Variants in PALLD observed in about 807,000 individuals in gnomAD.
PALLD encodes palladin, cytoskeletal associated protein.
In PALLD, 61 loss-of-function variants were observed where a neutral mutation model predicts 123.5. The ratio of observed to expected loss-of-function variants is 0.49; its 90% CI spans 0.40 to 0.61. The LOEUF is 0.61. Ranked by LOEUF, PALLD falls within the 20% of genes least tolerant of loss-of-function variation. The pLI is 0.00. For missense variants in PALLD, 1,273 were observed against 1,377.0 expected (o/e 0.92, Z 1.20); for synonymous variants, 465 against 496.4 (o/e 0.94, Z 0.84).
chr4:168,701,170 T>C (rs1783635872), intron 8 of PALLD, among the ~76,000 whole-genome samples: 1 of 152,208 alleles, frequency 6.6e-6, no homozygotes, highest in East Asian at 1.9e-4. Context: ...GTAATGTTTG[T>C]GGGGAAACAT....
intron 10 of PALLD, among the ~76,000 whole-genome samples, chr4:168,864,817 G>A (rs1750027340): frequency 1.3e-5 from 2 of 152,136 alleles, no homozygotes; most frequent in African/African-American, 4.8e-5. Flanking sequence ...TCAAGATTTT[G>A]CAGCATTTTT....
intron 2 of PALLD, among the ~76,000 whole-genome samples, chr4:168,611,070 A>G (rs1048164899): frequency 6.6e-6 from 1 of 152,214 alleles, no homozygotes; most frequent in Non-Finnish European, 1.5e-5. Context: ...GAAGCTGTCC[A>G]TGATTACATA....
chr4:168,689,105 A>G (rs1208359803), intron 6 of PALLD, among the ~76,000 whole-genome samples: 1 of 152,264 alleles, frequency 6.6e-6, no homozygotes, highest in African/African-American at 2.4e-5. Flanking sequence ...CTTGTCACTT[A>G]AAGACATTCT....
intron 10 of PALLD, among the ~76,000 whole-genome samples, chr4:168,875,274 C>T (rs58603386): frequency 0.022 from 3,357 of 152,104 alleles, 127 homozygotes; most frequent in African/African-American, 0.074. Flanking sequence ...TTTCCAAAAG[C>T]TATAGGCAAC....
At chr4:168,825,075 C>T (rs559959221) in intron 10 of PALLD, among the ~76,000 whole-genome samples, 1 of 152,244 alleles carries the variant, frequency 6.6e-6, no homozygotes, top group African/African-American at 2.4e-5. Context: ...CTTGGCCTCC[C>T]AAAGTGCTGG....
chr4:168,669,391 C>A (rs761780387), intron 3 of PALLD, among the ~76,000 whole-genome samples: 4 of 152,162 alleles, frequency 2.6e-5, no homozygotes, highest in South Asian at 2.1e-4. Flanking sequence ...CATACTGAGA[C>A]CCTGTCTCAA....
intron 2 of PALLD, among the ~76,000 whole-genome samples, chr4:168,667,157 C>T (rs933804903): frequency 2.0e-5 from 3 of 152,048 alleles, no homozygotes; most frequent in African/African-American, 7.2e-5. Context: ...TTAAATTAGA[C>T]AAAAACCTGT....
intron 10 of PALLD, among the ~76,000 whole-genome samples, chr4:168,815,154 C>T (rs1314164592): frequency 1.3e-5 from 2 of 152,226 alleles, no homozygotes; most frequent in Non-Finnish European, 2.9e-5. Context: ...TTAAAATTAA[C>T]TTGGAAGGGC....
chr4:168,534,356 G>A (rs930462327), intron 2 of PALLD, among the ~76,000 whole-genome samples: 9 of 152,188 alleles, frequency 5.9e-5, no homozygotes, highest in African/African-American at 1.9e-4. Flanking sequence ...GTCAGTCAGA[G>A]GACATATCAG....
In PALLD at chr4:168,511,973, C is replaced by A; in HGVS notation, c.469C>A (p.Pro157Thr). The change falls in exon 2 of 22, where the codon CCA (proline) becomes ACA (threonine). Residue 157 changes from proline (P) to threonine (T), a missense_variant. Around this residue, in one of 2 missense-constraint regions of PALLD, gnomAD observed 944 missense variants for 954.5 expected, o/e 0.99. Coordinates refer to ENST00000505667, the MANE Select transcript of PALLD (RefSeq NM_001166108.2). ...CAGCACAAACGTAAAGCCCAAAACG[C>A]CACATCAAAGAAAGGGTGGCCCCCA... ...TPSTNVKPKT[P>T]HQRKGGPQSQ... 1 of 1,614,202 alleles carries A rather than the reference C, an allele frequency of 6.2e-7. No homozygotes were observed. Among genetic ancestry groups the A allele is most frequent in the South Asian group, 1.1e-5 (1 of 91,090 alleles).
At chr4:168,671,790 A>T (rs1009270961) in intron 3 of PALLD, among the ~76,000 whole-genome samples, 10 of 152,170 alleles carry the variant, frequency 6.6e-5, no homozygotes, top group African/African-American at 2.4e-4. Flanking sequence ...CCATATTCCT[A>T]TTGAATTGCT....
intron 10 of PALLD, among the ~76,000 whole-genome samples, chr4:168,889,167 G>GTGTGTGTGTGTGT (rs1560861904): frequency 1.2e-4 from 5 of 41,474 alleles, no homozygotes; most frequent in Non-Finnish European, 3.7e-4. Flanking sequence ...TGTGTGTGTG[G>GTGTGTGTGTGTGT]TTTTTTTTTT....
At chr4:168,550,302 G>T (rs2319905) in intron 2 of PALLD, among the ~76,000 whole-genome samples, 15,462 of 151,878 alleles carry the variant, frequency 0.1, 817 homozygotes, top group Middle Eastern at 0.15. Context: ...AACAGAAAAC[G>T]AAAACAAAGA....
intron 8 of PALLD, among the ~76,000 whole-genome samples, chr4:168,703,939 T>C (rs1334972158): frequency 1.3e-5 from 2 of 152,128 alleles, no homozygotes; most frequent in African/African-American, 4.8e-5. Flanking sequence ...CAATTTTGGC[T>C]TTTGTTGCCA....
At chr4:168,537,217 A>C (rs1391166347) in intron 2 of PALLD, among the ~76,000 whole-genome samples, 1 of 152,250 alleles carries the variant, frequency 6.6e-6, no homozygotes, top group Non-Finnish European at 1.5e-5. Context: ...TAAGTTGCTT[A>C]GGGTGAGAAC....
chr4:168,877,765 G>A (rs1751954859), intron 10 of PALLD: 3 of 1,187,106 alleles, frequency 2.5e-6, no homozygotes, highest in Non-Finnish European at 2.1e-6. Flanking sequence ...AAATCCGACT[G>A]GAGCAGGAGG....
At chr4:168,556,981 C>G (rs186969988) in intron 2 of PALLD, among the ~76,000 whole-genome samples, 12 of 152,080 alleles carry the variant, frequency 7.9e-5, no homozygotes, top group Non-Finnish European at 4.4e-5. Context: ...TAATCAGCCT[C>G]CCCCGGGAAC....
Position 168,512,177 on chromosome 4 carries a change from G to A in PALLD, c.673G>A (p.Glu225Lys). Residue 225 changes from glutamate to lysine, a missense_variant, in exon 2 of 22, where the codon GAA (glutamate) becomes AAA (lysine). By Grantham distance (56) the Glu-to-Lys change is moderately conservative. Coordinates refer to ENST00000505667, the MANE Select transcript of PALLD (RefSeq NM_001166108.2). ...LSASASQSPM[E>K]DQGEMEREVK... Reference sequence around the variant, plus strand: ...TGCCTCAGCCAGCCAGAGCCCTATGGAAGACCAAGGGGAGATGGAAAGAGA... The same window carrying A: ...TGCCTCAGCCAGCCAGAGCCCTATGAAAGACCAAGGGGAGATGGAAAGAGA... The A allele has an allele frequency of 6.2e-7, 1 of 1,614,014 alleles. No homozygotes were observed. The highest frequency in any genetic ancestry group is 8.5e-7 in the Non-Finnish European group (1 of 1,179,944).
chr4:168,620,860 T>C (rs796776492), intron 2 of PALLD, among the ~76,000 whole-genome samples: 24 of 152,340 alleles, frequency 1.6e-4, no homozygotes, highest in African/African-American at 5.8e-4. Context: ...GCAACAAATG[T>C]TACTTTCCCC....
Sources: allele counts gnomAD v4.1 joint callset (sites outside exome capture counted in the v4.1 genomes callset), GRCh38; gene constraint gnomAD v4.1.1; regional missense constraint gnomAD v4.1.1; transcripts MANE v1.5; gene names NCBI Gene and HGNC (gene_info 2026-07-23, HGNC 2026-07-21).